PSG7: variants seen among roughly 807,000 people sequenced by gnomAD.
PSG7 encodes the protein pregnancy-specific beta-1-glycoprotein 7.
Under a neutral mutation model 45.6 loss-of-function variants are expected in PSG7, and 57 were observed. The ratio of observed to expected loss-of-function variants is 1.25; its 90% CI spans 1.01 to 1.56. The LOEUF is 1.56. Ranked by LOEUF, PSG7 falls within the 40% of genes most tolerant of loss-of-function variation. PSG7 has a pLI of 0.00. For synonymous variants in PSG7, 298 were observed against 194.4 expected, an observed-to-expected ratio of 1.53 and a Z score of -4.43; for missense variants, 796 against 508.4, an observed-to-expected ratio of 1.57 and a Z score of -5.44.
Position 42,937,178 on chromosome 19 carries a change from T to G in PSG7, c.-102A>C. 6.7e-7 allele frequency: 1 copy of G among 1,490,644 alleles called. No individual in the cohort carries two copies. Among genetic ancestry groups the G allele is most frequent in the Non-Finnish European group, 9.1e-7 (1 of 1,094,980 alleles). 92.3% of individuals were successfully genotyped at this position (1,490,644 alleles called of 1,614,324 possible). On this transcript the variant is annotated 5_prime_UTR_variant, in exon 1 of 6. Coordinates refer to ENST00000406070, the MANE Select transcript of PSG7 (RefSeq NM_002783.3). ...TGTGCTGTCCTTCCTCCTTCTGCAC[T>G]GAGCCTCTTCCCGGGGCAGGAGCAC...
chr19:42,933,814 G>A (rs1973086523), intron 2 of PSG7, among the ~76,000 whole-genome samples: 2 of 151,040 alleles, frequency 1.3e-5, no homozygotes, highest in East Asian at 2.0e-4. Context: ...CACAGTCCAG[G>A]ACCAAGGAGC....
chr19:42,933,284 TATATA>T (rs1973064155), intron 2 of PSG7, among the ~76,000 whole-genome samples: 5 of 8,350 alleles, frequency 6.0e-4, no homozygotes, highest in African/African-American at 1.6e-3. Flanking sequence ...TATATATATA[TATATA>T]TATATATATA....
chr19:42,926,284 C>T, intron 4 of PSG7, 154 bp downstream of exon 4: 1 of 1,477,586 alleles, frequency 6.8e-7, no homozygotes, highest in Non-Finnish European at 9.0e-7. Context: ...CCCAGGTTTT[C>T]CCAGGGCAGG....
At chr19:42,930,715 T>C (rs1404158572) in intron 2 of PSG7, among the ~76,000 whole-genome samples, 7 of 151,490 alleles carry the variant, frequency 4.6e-5, no homozygotes, top group African/African-American at 1.7e-4. Context: ...CTCATATCAG[T>C]GGATTCCAGA....
rs374761450 is a variant in PSG7, at chr19:42,929,690, C to G, written c.461G>C (p.Ser154Thr). ...LETPKPSISSSNFNPREATEA... is the reference protein window; with the variant it reads ...LETPKPSISSTNFNPREATEA... ...CGTGGCCTCCCTGGGGTTGAAATTG[C>G]TGCTGGAGATGGAGGGTTTGGGAGT... is the stretch of plus-strand genomic sequence containing the variant. The change falls in exon 3 of 6, where the codon AGC becomes ACC. Residue 154 changes from serine (S) to threonine (T), a missense_variant. Coordinates refer to ENST00000406070, the MANE Select transcript of PSG7 (RefSeq NM_002783.3). 1.8e-5 allele frequency: 29 copies of G among 1,612,298 alleles called. 1 individual carries two copies. Among genetic ancestry groups the G allele is most frequent in the Non-Finnish European group, 2.4e-5 (28 of 1,179,122 alleles).
chr19:42,935,076 C>T (rs1235299265), intron 2 of PSG7, among the ~76,000 whole-genome samples: 1 of 151,644 alleles, frequency 6.6e-6, no homozygotes, highest in African/African-American at 2.4e-5. Context: ...AGGCCAAGCC[C>T]TACTCAGTTT....
In PSG7 at chr19:42,928,399, T is replaced by C. The variant is rs116922145; in HGVS notation, c.709+1043A>G. Among the ~76,000 whole-genome samples, 5 of 151,490 alleles carry C rather than the reference T, an allele frequency of 3.3e-5. 1 individual carries two copies. Among genetic ancestry groups the C allele is most frequent in the Admixed American group, 1.3e-4 (2 of 15,158 alleles). ...AGTATTTTCTTTCTAACAATATTGA[T>C]TCTTCCAATCCATGAAAATGAAATG... On this transcript the variant is annotated intron_variant, in intron 3 of 5. Transcript: ENST00000406070.
chr19:42,931,584 C>T (rs963545748), intron 2 of PSG7, among the ~76,000 whole-genome samples: 2 of 151,498 alleles, frequency 1.3e-5, no homozygotes, highest in African/African-American at 4.9e-5. Flanking sequence ...CAGGAAACAC[C>T]ACTAGAGTTT....
chr19:42,924,954 G>A, intron 5 of PSG7, 130 bp from the exon 6 acceptor site: 1 of 692,116 alleles, frequency 1.4e-6, no homozygotes, highest in Non-Finnish European at 2.6e-6. Flanking sequence ...GATAATTTCA[G>A]TAGAATAAGT....
chr19:42,933,914 G>A (rs140719820), intron 2 of PSG7, among the ~76,000 whole-genome samples: 63 of 151,552 alleles, frequency 4.2e-4, no homozygotes, highest in Admixed American at 1.4e-3. Flanking sequence ...TGAAACATGG[G>A]TGTCAGCCTC....
At chr19:42,932,148 C>T (rs1010225228) in intron 2 of PSG7, among the ~76,000 whole-genome samples, 4 of 151,442 alleles carry the variant, frequency 2.6e-5, no homozygotes, top group Middle Eastern at 3.4e-3. Context: ...CTCAGCCTCC[C>T]GAGTAGCTGG....
intron 2 of PSG7, among the ~76,000 whole-genome samples, chr19:42,933,850 G>A (rs1288746415): frequency 6.6e-6 from 1 of 151,244 alleles, no homozygotes; most frequent in Non-Finnish European, 1.5e-5. Context: ...TGGCCAAAGA[G>A]CTTCAGAGTT....
chr19:42,926,767 C>T (rs1398205901), intron 3 of PSG7, 51 bp from the exon 4 acceptor site: 1 of 1,595,638 alleles, frequency 6.3e-7, no homozygotes, highest in African/African-American at 1.3e-5. Flanking sequence ...TTTGATTCCT[C>T]CACAGGCATC....
rs567755136 is a variant in PSG7 at position 42,934,415 on chromosome 19, C to G, written c.430+989G>C. 4.0e-3 allele frequency among the ~76,000 whole-genome samples: 613 copies of G among 151,554 alleles called. 14 individuals are homozygous for G. Among genetic ancestry groups the G allele is most frequent in the African/African-American group, 0.012 (494 of 41,280 alleles). On this transcript the variant is annotated intron_variant, in intron 2 of 5. Transcript: ENST00000406070. ...GAGAGGATGGGCCTGTGGCTGCAGA[C>G]AGACCTCATGTGACCCTGATCTCCC...
At chr19:42,936,815 T>C (rs922853156) in intron 1 of PSG7, among the ~76,000 whole-genome samples, 198 bp downstream of exon 1, 1 of 151,300 alleles carries the variant, frequency 6.6e-6, no homozygotes, top group Admixed American at 6.6e-5. Context: ...ACCTGGTTAA[T>C]TTTTTGTATT....
chr19:42,933,298 TATA>T lies in PSG7; in HGVS notation c.430+2103_430+2105del, dbSNP rs1255112476. On this transcript the variant is annotated intron_variant, in intron 2 of 5. Coordinates refer to ENST00000406070, the MANE Select transcript of PSG7 (RefSeq NM_002783.3). ...ATATATATATATATATATATATATA[TATA>T]TATATATTTTTTTTTTTTTTTGGTG... 9.2e-4 allele frequency among the ~76,000 whole-genome samples: 17 copies of T among 18,400 alleles called. 2 individuals are homozygous for T. The highest frequency in any genetic ancestry group is 1.0e-3 in the African/African-American group (8 of 7,778). The allele number at this position is 18,400 out of a possible 152,430, so 12.1% of individuals were successfully genotyped here.
Position 42,925,847 on chromosome 19 carries a change from C to T in PSG7, c.1169G>A (p.Gly390Glu). 1.9e-6 allele frequency: 3 copies of T among 1,611,990 alleles called. No individual in the cohort carries two copies. Among genetic ancestry groups the T allele is most frequent in the Non-Finnish European group, 2.5e-6 (3 of 1,179,020 alleles). The change falls in exon 5 of 6, where the codon GGG becomes GAG. Residue 390 changes from glycine (G) to glutamate (E), a missense_variant. Coordinates refer to ENST00000406070, the MANE Select transcript of PSG7 (RefSeq NM_002783.3). ...SIPQITTKHS[G>E]LYACSVRNSA... ...GTTACGAACAGAGCAAGCATAGAGC[C>T]CGCTATGCTTTGTAGTAATCTGGGG... is the stretch of plus-strand genomic sequence containing the variant.
chr19:42,925,136 C>T (rs1240544437), intron 5 of PSG7: 13 of 421,874 alleles, frequency 3.1e-5, no homozygotes, highest in South Asian at 2.1e-4. Context: ...GGAAGCCAAA[C>T]CAAGGCTGAC....
rs777878837 is a variant in PSG7, at chr19:42,926,709, C to G, written c.717G>C (p.Leu239=). The G allele has an allele frequency of 6.2e-7, 1 of 1,610,290 alleles. No homozygotes were observed. The highest frequency in any genetic ancestry group is 8.5e-7 in the Non-Finnish European group (1 of 1,178,904). ...DPVTLNLLPK[L]PKPYITINNL... is the part of the protein sequence containing the mutation. Reference sequence around the variant, plus strand: ...TATTGATGGTGATGTAGGGCTTGGGCAGCTTCGCTGTGTGAATAACAGAGA... The same window carrying G: ...TATTGATGGTGATGTAGGGCTTGGGGAGCTTCGCTGTGTGAATAACAGAGA... Residue 239 remains leucine, a synonymous_variant, in exon 4 of 6, where the codon CTG becomes CTC. Transcript: ENST00000406070.
Sources: gnomAD v4.1 joint callset for allele counts (sites outside exome capture counted in the v4.1 genomes callset) on GRCh38, gnomAD v4.1.1 for gene constraint, MANE v1.5 for transcripts, NCBI Gene and HGNC (gene_info 2026-07-23, HGNC 2026-07-21) for gene names.